Variants in PLEKHA5 observed in about 807,000 individuals in gnomAD.
PLEKHA5 encodes the protein pleckstrin homology domain-containing family A member 5.
A neutral mutation model predicts 181.9 loss-of-function variants in PLEKHA5; 55 were observed. The ratio of observed to expected loss-of-function variants is 0.30; its 90% CI spans 0.24 to 0.38. The LOEUF is 0.38. PLEKHA5 is among the 10% of genes least tolerant of loss of function. The pLI is 1.00. For synonymous variants in PLEKHA5, 535 were observed against 529.4 expected (o/e 1.01, Z -0.15); for missense variants, 1,432 against 1,549.5 (o/e 0.92, Z 1.27).
At chr12:19,146,289 C>T (rs2038898380) in intron 3 of PLEKHA5, among the ~76,000 whole-genome samples, 1 of 152,192 alleles carries the variant, frequency 6.6e-6, no homozygotes, top group East Asian at 1.9e-4. Flanking sequence ...TGATTTCAGC[C>T]ATGCATGGCA....
At chr12:19,343,462 G>T in intron 22 of PLEKHA5, 28 bp downstream of exon 22, 1 of 1,252,002 alleles carries the variant, frequency 8.0e-7, no homozygotes, top group South Asian at 1.2e-5. Flanking sequence ...TTTATTTTGT[G>T]ACTGACCACA....
At chr12:19,196,318 T>C (rs901801975) in intron 3 of PLEKHA5, among the ~76,000 whole-genome samples, 1 of 152,242 alleles carries the variant, frequency 6.6e-6, no homozygotes, top group Non-Finnish European at 1.5e-5. Flanking sequence ...CATAGGTCTT[T>C]AGACTGTAAA....
chr12:19,245,721 G>A (rs1310643479), intron 3 of PLEKHA5, among the ~76,000 whole-genome samples: 1 of 44,716 alleles, frequency 2.2e-5, no homozygotes, highest in Non-Finnish European at 3.6e-5. Context: ...GAGTGAGACT[G>A]TCAAAAAAAA....
At chr12:19,329,358 G>A (rs1357585312) in intron 20 of PLEKHA5, among the ~76,000 whole-genome samples, 2 of 152,110 alleles carry the variant, frequency 1.3e-5, no homozygotes, top group Admixed American at 6.6e-5. Flanking sequence ...CATAGAATGA[G>A]TTAAAGAGGA....
chr12:19,307,251 T>A, intron 15 of PLEKHA5: 1 of 485,836 alleles, frequency 2.1e-6, no homozygotes, highest in Non-Finnish European at 3.7e-6. Context: ...GGAGGGTGGA[T>A]CACTTGAGGT....
intron 8 of PLEKHA5, among the ~76,000 whole-genome samples, chr12:19,266,666 C>G (rs1002866958): frequency 2.0e-5 from 3 of 151,760 alleles, no homozygotes; most frequent in African/African-American, 7.3e-5. Context: ...TGCCTGTAGT[C>G]CCAGCTACAG....
Position 19,366,052 on chromosome 12 carries a change from A to G in PLEKHA5, c.3697A>G (p.Thr1233Ala), listed in dbSNP as rs1251106834. 15 of 1,612,040 alleles carry G rather than the reference A, an allele frequency of 9.3e-6. No individual in the cohort carries two copies. Among genetic ancestry groups the G allele is most frequent in the Non-Finnish European group, 1.3e-5 (15 of 1,178,544 alleles). ...GAACAGTGTTGACGAACAGGAAGAAACTGTTATTTCTTACGAATCAACTCC... is the reference window on the plus strand; with the variant it reads ...GAACAGTGTTGACGAACAGGAAGAAGCTGTTATTTCTTACGAATCAACTCC... The part of the protein sequence containing the change: ...TKNSVDEQEE[T>A]VISYESTPEV... The change falls in exon 30 of 32, where the codon ACT (threonine) becomes GCT (alanine). Residue 1233 changes from threonine to alanine, a missense_variant. This residue lies in a region of PLEKHA5 where 1,143 missense variants were observed against 1,168.4 expected (regional missense o/e 0.98). Coordinates refer to ENST00000429027, the MANE Select transcript of PLEKHA5 (RefSeq NM_001256470.2).
At chr12:19,238,268 A>AT (rs1311954292) in intron 3 of PLEKHA5, among the ~76,000 whole-genome samples, 1 of 152,084 alleles carries the variant, frequency 6.6e-6, no homozygotes, top group African/African-American at 2.4e-5. Flanking sequence ...TGCTGTACAT[A>AT]TTTTTTGTGA....
intron 27 of PLEKHA5, among the ~76,000 whole-genome samples, chr12:19,358,786 A>G (rs1158895589): frequency 1.3e-5 from 2 of 152,182 alleles, no homozygotes; most frequent in East Asian, 3.8e-4. Flanking sequence ...ATAGTCCCCA[A>G]TTCCCCTCTC....
intron 3 of PLEKHA5, among the ~76,000 whole-genome samples, chr12:19,168,027 G>A (rs917940659): frequency 1.3e-5 from 2 of 152,100 alleles, no homozygotes; most frequent in Non-Finnish European, 2.9e-5. Context: ...TTAGTGGAGA[G>A]ACTAAAACTA....
Position 19,290,731 on chromosome 12 carries a change from A to G in PLEKHA5, c.1918A>G (p.Ser640Gly). 6.5e-7 allele frequency: 1 copy of G among 1,536,020 alleles called. No homozygotes were observed. The change falls in exon 14 of 32, where the codon AGT becomes GGT. Residue 640 changes from serine to glycine, a missense_variant. Ser to Gly is a moderately conservative substitution (Grantham distance 56, BLOSUM62 0). Transcript: ENST00000429027. ...GCTGAGACGGCAGCAAGCCGAACTG[A>G]GTAGTATCCGGGAGCATACGTTAGC... is the stretch of plus-strand genomic sequence containing the variant. Reference protein sequence around the residue: ...IKLRRQQAELSSIREHTLAQL... With the variant: ...IKLRRQQAELGSIREHTLAQL...
chr12:19,191,382 A>G (rs982095881), intron 3 of PLEKHA5, among the ~76,000 whole-genome samples: 2 of 152,134 alleles, frequency 1.3e-5, no homozygotes, highest in Admixed American at 6.5e-5. Flanking sequence ...AGCTTCCCAC[A>G]CTGAATGCTT....
intron 3 of PLEKHA5, among the ~76,000 whole-genome samples, chr12:19,190,327 A>G (rs1423847073): frequency 6.6e-6 from 1 of 152,212 alleles, no homozygotes; most frequent in East Asian, 1.9e-4. Flanking sequence ...AGTTGGATAA[A>G]TATTTCCTTT....
In PLEKHA5 at chr12:19,322,596, G is replaced by C. The variant is rs747410275; in HGVS notation, c.2377G>C (p.Val793Leu). The part of the protein sequence containing the change: ...HADNPAAIQT[V>L]VLQRDDLQNG... ...AGATAACCCAGCAGCCATTCAGACA[G>C]TGGTGTTACAAAGGGATGATTTACA... The change falls in exon 20 of 32, where the codon GTG becomes CTG. Residue 793 changes from valine (V) to leucine (L), a missense_variant. By Grantham distance (32) the Val-to-Leu change is conservative (BLOSUM62 1). Transcript: ENST00000429027. 5 of 1,613,776 alleles carry C rather than the reference G, an allele frequency of 3.1e-6. No individual in the cohort carries two copies. Among genetic ancestry groups the C allele is most frequent in the Non-Finnish European group, 4.2e-6 (5 of 1,179,688 alleles).
intron 16 of PLEKHA5, among the ~76,000 whole-genome samples, chr12:19,316,521 T>C (rs1333098036): frequency 6.6e-6 from 1 of 152,176 alleles, no homozygotes; most frequent in African/African-American, 2.4e-5. Flanking sequence ...TAAATATTTC[T>C]TTATATTAAT....
rs148756549 is a variant in PLEKHA5 at position 19,307,536 on chromosome 12, A to G, written c.2038-7278A>G. The stretch of plus-strand genomic sequence containing the variant: ...AGCACACTGCCTAATTTCGGCTGCT[A>G]TAGAACCAGAGAAAGAAAAAAGAAG... On this transcript the variant is annotated intron_variant, in intron 15 of 31. Coordinates refer to ENST00000429027, the MANE Select transcript of PLEKHA5 (RefSeq NM_001256470.2). The G allele has an allele frequency of 9.6e-4, 308 of 321,782 alleles. 3 individuals carry two copies. Among genetic ancestry groups the G allele is most frequent in the Non-Finnish European group, 1.7e-3 (267 of 160,810 alleles). 19.9% of individuals were successfully genotyped at this position (321,782 alleles called of 1,614,324 possible).
At chr12:19,178,404 GA>G (rs35358735) in intron 3 of PLEKHA5, among the ~76,000 whole-genome samples, 100,501 of 152,064 alleles carry the variant, frequency 0.66, 36,856 homozygotes, top group Non-Finnish European at 0.83. Flanking sequence ...TAATTTTGTA[GA>G]AAATAAAAGA....
chr12:19,331,075 T>C (rs1046228311), intron 20 of PLEKHA5, among the ~76,000 whole-genome samples: 6 of 152,142 alleles, frequency 3.9e-5, no homozygotes, highest in Admixed American at 6.6e-5. Flanking sequence ...GAAACCCTAA[T>C]TGAGAAGCAA....
In PLEKHA5 at chr12:19,320,063, G is replaced by A. The variant is rs568157563; in HGVS notation, c.2154+7G>A. 3.6e-5 allele frequency: 36 copies of A among 1,005,432 alleles called. No individual in the cohort carries two copies. In the South Asian group the frequency reaches 4.9e-4, roughly 14 times the overall value. The allele number at this position is 1,005,432 out of a possible 1,614,324, so 62.3% of individuals were successfully genotyped here. The stretch of plus-strand genomic sequence containing the variant: ...CAAGATAAGTCTATATTGTGTATGT[G>A]TGTTTATATATTATATATATGTATA... On this transcript the variant is annotated splice_region_variant and intron_variant, in intron 17 of 31. Transcript: ENST00000429027.
Sources: gnomAD v4.1 joint callset for allele counts (sites outside exome capture counted in the v4.1 genomes callset) on GRCh38, gnomAD v4.1.1 for gene constraint, gnomAD v4.1.1 regional missense constraint, MANE v1.5 for transcripts, NCBI Gene and HGNC (gene_info 2026-07-23, HGNC 2026-07-21) for gene names.